The following SLC24A2 variants were observed in gnomAD, a reference collection of about 807,000 sequenced individuals.
SLC24A2 encodes the protein solute carrier family 24 member 2, also known as sodium/potassium/calcium exchanger 2.
SLC24A2 carries 36 observed loss-of-function variants against 62.0 expected under a neutral mutation model. That is an observed-to-expected ratio of 0.58 (90% CI 0.44 to 0.77). The LOEUF (loss-of-function observed/expected upper bound fraction) is 0.77. Ranked by LOEUF, SLC24A2 falls within the 30% of genes least tolerant of loss-of-function variation. The pLI is 0.00. For synonymous variants in SLC24A2, 358 were observed against 294.0 expected (o/e 1.22, Z -2.23); for missense variants, 846 against 817.9 (o/e 1.03, Z -0.42).
chr9:20,274,851 G>A, the SLC24A2 span, among the ~76,000 whole-genome samples: 4 of 151,762 alleles, frequency 2.6e-5, no homozygotes, highest in Non-Finnish European at 4.4e-5. Flanking sequence ...AGCATGCCAC[G>A]GTGCAGAAGC....
At chr9:20,113,591 G>T in the SLC24A2 span, among the ~76,000 whole-genome samples, 4 of 151,848 alleles carry the variant, frequency 2.6e-5, no homozygotes, top group Non-Finnish European at 1.5e-5. Flanking sequence ...ATTCTATATT[G>T]GTTATAAAAA....
At chr9:19,977,325 C>T in the SLC24A2 span, among the ~76,000 whole-genome samples, 3 of 152,112 alleles carry the variant, frequency 2.0e-5, no homozygotes, top group Admixed American at 2.0e-4. Flanking sequence ...GAAATACTCA[C>T]AACTGAAGTG....
At chr9:20,113,493 A>G in the SLC24A2 span, among the ~76,000 whole-genome samples, 1 of 152,224 alleles carries the variant, frequency 6.6e-6, no homozygotes. Context: ...AGATTGCCAG[A>G]TAAATATCTT....
the SLC24A2 span, among the ~76,000 whole-genome samples, chr9:20,208,148 G>C: frequency 6.6e-6 from 1 of 152,160 alleles, no homozygotes; most frequent in African/African-American, 2.4e-5. Context: ...GATCAGAAAT[G>C]GTACCCCTTA....
the SLC24A2 span, among the ~76,000 whole-genome samples, chr9:20,234,578 C>T: frequency 6.6e-6 from 1 of 152,244 alleles, no homozygotes; most frequent in East Asian, 1.9e-4. Context: ...TCAGCTCCAT[C>T]AGGTCCTCTA....
intron 5 of SLC24A2, among the ~76,000 whole-genome samples, chr9:19,579,416 C>CT (rs1836136399): frequency 6.6e-6 from 1 of 152,088 alleles, no homozygotes; most frequent in South Asian, 2.1e-4. Context: ...AGAGGAGTTA[C>CT]TTTTTGCAGA....
At chr9:19,809,417 T>C in the SLC24A2 span, among the ~76,000 whole-genome samples, 1 of 152,134 alleles carries the variant, frequency 6.6e-6, no homozygotes, top group African/African-American at 2.4e-5. Context: ...TTTCTCAGTA[T>C]ACCAAATGAT....
the SLC24A2 span, among the ~76,000 whole-genome samples, chr9:20,177,914 G>A: frequency 4.6e-5 from 7 of 152,116 alleles, no homozygotes; most frequent in Middle Eastern, 3.4e-3. Context: ...GAGGGGACAC[G>A]CTCAGTAAGT....
chr9:19,912,165 T>G, the SLC24A2 span, among the ~76,000 whole-genome samples: 17 of 152,088 alleles, frequency 1.1e-4, no homozygotes, highest in Non-Finnish European at 2.2e-4. Context: ...CAAACTCTTC[T>G]GCTGAGACAC....
At chr9:19,947,352 GGAAGGAAGGAAGGAAA>G in the SLC24A2 span, among the ~76,000 whole-genome samples, 4 of 147,238 alleles carry the variant, frequency 2.7e-5, no homozygotes, top group Admixed American at 6.9e-5. Context: ...GCTGCCGGAA[GGAAGGAAGGAAGGAAA>G]GAAGGAAGGA....
chr9:19,969,206 C>CACACACACACACACAA, the SLC24A2 span, among the ~76,000 whole-genome samples: 9 of 151,346 alleles, frequency 5.9e-5, no homozygotes, highest in Admixed American at 5.9e-4. Context: ...CACACACACA[C>CACACACACACACACAA]ACACACACAC....
At chr9:20,206,697 G>T in the SLC24A2 span, among the ~76,000 whole-genome samples, 1 of 151,996 alleles carries the variant, frequency 6.6e-6, no homozygotes, top group African/African-American at 2.4e-5. Flanking sequence ...GGTCATGCTG[G>T]TCTCGAACTC....
At chr9:19,979,297 C>G in the SLC24A2 span, among the ~76,000 whole-genome samples, 3 of 152,118 alleles carry the variant, frequency 2.0e-5, no homozygotes, top group African/African-American at 7.2e-5. Flanking sequence ...TTCTTCATTT[C>G]CACTAATTTC....
chr9:20,075,108 T>C, the SLC24A2 span, among the ~76,000 whole-genome samples: 1 of 152,236 alleles, frequency 6.6e-6, no homozygotes. Flanking sequence ...TTCATGTCAC[T>C]ACTTTGGCAT....
At chr9:20,287,593 C>T in the SLC24A2 span, among the ~76,000 whole-genome samples, 2 of 152,228 alleles carry the variant, frequency 1.3e-5, no homozygotes, top group African/African-American at 2.4e-5. Context: ...AACACCTACT[C>T]TGTGTCAGAT....
chr9:19,974,699 G>T, the SLC24A2 span, among the ~76,000 whole-genome samples: 1 of 152,172 alleles, frequency 6.6e-6, no homozygotes, highest in Non-Finnish European at 1.5e-5. Context: ...CTACCATCAT[G>T]CTGTCACTTA....
chr9:19,850,962 TA>T, the SLC24A2 span, among the ~76,000 whole-genome samples: 8 of 23,542 alleles, frequency 3.4e-4, 1 homozygote, highest in African/African-American at 9.5e-4. Context: ...TATATATATA[TA>T]TATGTATATA....
chr9:20,246,732 T>G, the SLC24A2 span, among the ~76,000 whole-genome samples: 8 of 152,314 alleles, frequency 5.3e-5, no homozygotes, highest in South Asian at 1.0e-3. Context: ...CTGTGGGCCT[T>G]GGAATCCTTC....
chr9:20,054,688 AG>A, the SLC24A2 span, among the ~76,000 whole-genome samples: 16,303 of 152,254 alleles, frequency 0.11, 872 homozygotes, highest in East Asian at 0.17. Flanking sequence ...GAGAGAGCAA[AG>A]CCACCTCCTA....
Sources: gnomAD v4.1 joint callset for allele counts (sites outside exome capture counted in the v4.1 genomes callset) on GRCh38, gnomAD v4.1.1 for gene constraint, MANE v1.5 for transcripts, NCBI Gene and HGNC (gene_info 2026-07-23, HGNC 2026-07-21) for gene names.